The following TSHZ2 variants were observed in gnomAD, a reference collection of about 807,000 sequenced individuals.
The protein encoded by TSHZ2 is teashirt zinc finger homeobox 2.
A neutral mutation model predicts 74.4 loss-of-function variants in TSHZ2; 21 were observed. The ratio of observed to expected loss-of-function variants is 0.28; its 90% CI spans 0.20 to 0.41. TSHZ2 has a LOEUF of 0.41. Among genes scored for constraint, TSHZ2 ranks in the 10% least tolerant of loss-of-function variants. The probability of loss-of-function intolerance (pLI) is 1.00; values close to 1 mark genes in which losing one functional copy is unlikely to be tolerated. For missense variants in TSHZ2, 1,244 were observed against 1,293.5 expected (o/e 0.96, Z 0.59); for synonymous variants, 540 against 515.3 (o/e 1.05, Z -0.65).
At chr20:53,012,508 G>A (rs1351431716) in intron 1 of TSHZ2, among the ~76,000 whole-genome samples, 2 of 152,098 alleles carry the variant, frequency 1.3e-5, no homozygotes, top group African/African-American at 2.4e-5. Flanking sequence ...TTAAAGCTTG[G>A]GAAGTTTAGG....
At chr20:53,383,236 C>G (rs545589705) in intron 2 of TSHZ2, among the ~76,000 whole-genome samples, 1 of 150,744 alleles carries the variant, frequency 6.6e-6, no homozygotes, top group African/African-American at 2.4e-5. Context: ...GCACTCAAGC[C>G]TGGGCAACAA....
At position 53,278,355 on chromosome 20, in the gene TSHZ2, C is replaced by T. The variant is rs929850374; in HGVS notation, c.*8+21784C>T. 2.2e-4 allele frequency among the ~76,000 whole-genome samples: 34 copies of T among 152,080 alleles called. 1 individual carries two copies. Among genetic ancestry groups the T allele is most frequent in the African/African-American group, 8.0e-4 (33 of 41,420 alleles). On this transcript the variant is annotated intron_variant, in intron 2 of 2. Coordinates refer to ENST00000371497, the MANE Select transcript of TSHZ2 (RefSeq NM_173485.6). Reference sequence around the variant, plus strand: ...TAGGATCTATGGACCTTCCTTTTTTCTGTCATCTCTCCTCACACTCTTCAT... The same window carrying T: ...TAGGATCTATGGACCTTCCTTTTTTTTGTCATCTCTCCTCACACTCTTCAT...
At chr20:53,145,157 C>T (rs934152487) in intron 1 of TSHZ2, among the ~76,000 whole-genome samples, 1 of 152,142 alleles carries the variant, frequency 6.6e-6, no homozygotes, top group Non-Finnish European at 1.5e-5. Context: ...TCCCAAGGTT[C>T]AAAGCCCATG....
chr20:53,240,776 G>GT (rs1050972586), intron 1 of TSHZ2, among the ~76,000 whole-genome samples: 1 of 116,684 alleles, frequency 8.6e-6, no homozygotes, highest in Non-Finnish European at 1.9e-5. Flanking sequence ...GATAGATATG[G>GT]TTTTTTAGGG....
At chr20:53,293,147 C>A (rs1991311961) in intron 2 of TSHZ2, among the ~76,000 whole-genome samples, 1 of 152,192 alleles carries the variant, frequency 6.6e-6, no homozygotes, top group Non-Finnish European at 1.5e-5. Context: ...ATCTCCGTGG[C>A]ATTTCTATAC....
chr20:53,463,322 G>A (rs1985439136), intron 2 of TSHZ2, among the ~76,000 whole-genome samples: 1 of 151,164 alleles, frequency 6.6e-6, no homozygotes. Flanking sequence ...ATGAGCCTAG[G>A]AGTTTGAGAC....
At chr20:53,312,305 G>T (rs2145503476) in intron 2 of TSHZ2, among the ~76,000 whole-genome samples, 1 of 152,278 alleles carries the variant, frequency 6.6e-6, no homozygotes, top group Middle Eastern at 3.4e-3. Context: ...TGTAACGGAG[G>T]CTGCCTGGTA....
chr20:53,052,522 A>C (rs1984507321), intron 1 of TSHZ2, among the ~76,000 whole-genome samples: 1 of 152,120 alleles, frequency 6.6e-6, no homozygotes, highest in Non-Finnish European at 1.5e-5. Flanking sequence ...CAGTCCTTGG[A>C]AAAATTGTCT....
At chr20:53,416,411 T>C (rs1983257156) in intron 2 of TSHZ2, among the ~76,000 whole-genome samples, 1 of 152,196 alleles carries the variant, frequency 6.6e-6, no homozygotes, top group South Asian at 2.1e-4. Context: ...TCTATTCACT[T>C]GTTAGTTTTC....
At chr20:53,057,679 C>T (rs903469246) in intron 1 of TSHZ2, among the ~76,000 whole-genome samples, 3 of 152,110 alleles carry the variant, frequency 2.0e-5, no homozygotes, top group Non-Finnish European at 4.4e-5. Context: ...ATACCATGCC[C>T]CAAATACCTA....
At chr20:53,268,404 G>A (rs1341585850) in intron 2 of TSHZ2, among the ~76,000 whole-genome samples, 5 of 152,056 alleles carry the variant, frequency 3.3e-5, no homozygotes, top group African/African-American at 9.7e-5. Context: ...TCCAGACATG[G>A]GCCGAGACAT....
At chr20:53,323,915 A>G (rs1022217922) in intron 2 of TSHZ2, among the ~76,000 whole-genome samples, 2 of 152,042 alleles carry the variant, frequency 1.3e-5, no homozygotes, top group African/African-American at 4.8e-5. Context: ...TGATCACATC[A>G]TTTAAGACCA....
At chr20:53,250,453 G>C (rs1990299285) in intron 1 of TSHZ2, among the ~76,000 whole-genome samples, 2 of 152,050 alleles carry the variant, frequency 1.3e-5, no homozygotes, top group South Asian at 4.2e-4. Flanking sequence ...TAAGTCAAGT[G>C]AACAGTTTTA....
intron 1 of TSHZ2, among the ~76,000 whole-genome samples, chr20:53,143,715 T>TAAAG (rs1167605898): frequency 6.6e-6 from 1 of 150,826 alleles, no homozygotes; most frequent in South Asian, 2.1e-4. Context: ...AATAAATAAA[T>TAAAG]AATAATAATA....
At chr20:53,118,192 C>T (rs554378879) in intron 1 of TSHZ2, among the ~76,000 whole-genome samples, 11 of 152,132 alleles carry the variant, frequency 7.2e-5, no homozygotes, top group South Asian at 2.1e-4. Flanking sequence ...ATGGTTCTTA[C>T]GAAGCAGTGT....
At chr20:53,151,089 G>T (rs930926930) in intron 1 of TSHZ2, among the ~76,000 whole-genome samples, 11 of 152,090 alleles carry the variant, frequency 7.2e-5, no homozygotes, top group African/African-American at 2.7e-4. Context: ...ATCATATCAC[G>T]CTCTCTTGAC....
chr20:53,177,235 T>C (rs1192769607), intron 1 of TSHZ2, among the ~76,000 whole-genome samples: 1 of 152,166 alleles, frequency 6.6e-6, no homozygotes, highest in East Asian at 1.9e-4. Flanking sequence ...AAAGGACACC[T>C]AAACCAGCTC....
chr20:53,236,449 C>T (rs73272867), intron 1 of TSHZ2, among the ~76,000 whole-genome samples: 2,482 of 152,304 alleles, frequency 0.016, 58 homozygotes, highest in African/African-American at 0.057. Context: ...CAAGATTTGT[C>T]TAGGAACACA....
At chr20:53,111,500 G>A (rs922273765) in intron 1 of TSHZ2, among the ~76,000 whole-genome samples, 1 of 152,170 alleles carries the variant, frequency 6.6e-6, no homozygotes, top group Non-Finnish European at 1.5e-5. Context: ...CCATGACAGA[G>A]AGAAAGAAGA....
Sources: allele counts gnomAD v4.1 joint callset (sites outside exome capture counted in the v4.1 genomes callset), GRCh38; gene constraint gnomAD v4.1.1; transcripts MANE v1.5; gene names NCBI Gene and HGNC (gene_info 2026-07-23, HGNC 2026-07-21).